The following POU1F1 variants were observed in gnomAD, a reference collection of about 807,000 sequenced individuals.
POU1F1 encodes POU class 1 homeobox 1.
A neutral mutation model predicts 32.3 loss-of-function variants in POU1F1; 23 were observed. The ratio of observed to expected loss-of-function variants is 0.71; its 90% CI spans 0.51 to 1.01. The LOEUF is 1.01. Among genes scored for constraint, POU1F1 ranks in the 50% least tolerant of loss-of-function variants. The pLI, the probability that POU1F1 is intolerant of heterozygous loss-of-function variation, is 0.00. For synonymous variants in POU1F1, 120 were observed against 115.6 expected (o/e 1.04, Z -0.25); for missense variants, 323 against 341.6 (o/e 0.95, Z 0.43).
intron 2 of POU1F1, among the ~76,000 whole-genome samples, chr3:87,268,294 A>C (rs1706662828): frequency 6.6e-6 from 1 of 151,702 alleles, no homozygotes; most frequent in South Asian, 2.1e-4. Flanking sequence ...TTATTTAGAG[A>C]CAGGGTTTCA....
At chr3:87,273,127 A>G (rs1351805251) in intron 2 of POU1F1, among the ~76,000 whole-genome samples, 3 of 152,174 alleles carry the variant, frequency 2.0e-5, no homozygotes, top group Non-Finnish European at 4.4e-5. Context: ...CTCAAGAAGC[A>G]CAGCAGTTCA....
intron 2 of POU1F1, among the ~76,000 whole-genome samples, chr3:87,268,084 C>CCTTTTT (rs747971339): frequency 8.6e-6 from 1 of 116,468 alleles, no homozygotes; most frequent in Non-Finnish European, 1.7e-5. Flanking sequence ...TTCCCTTTCC[C>CCTTTTT]TTTTTTTTTT....
chr3:87,260,867 TTTTTTTTTA>T (rs1483731700), intron 5 of POU1F1, among the ~76,000 whole-genome samples: 28 of 7,612 alleles, frequency 3.7e-3, no homozygotes, highest in African/African-American at 0.013. Flanking sequence ...TTATTATTAT[TTTTTTTTTA>T]TTTATTTATT....
intron 5 of POU1F1, among the ~76,000 whole-genome samples, chr3:87,261,039 T>A (rs1706504595): frequency 6.6e-6 from 1 of 151,888 alleles, no homozygotes; most frequent in South Asian, 2.1e-4. Flanking sequence ...GTCTCCTGAG[T>A]AGCTGGGATT....
At position 87,268,084 on chromosome 3, in the gene POU1F1, CTTT is replaced by C. The variant is rs11387958; in HGVS notation, c.215-3575_215-3573del. On this transcript the variant is annotated intron_variant, in intron 2 of 5. Coordinates refer to ENST00000350375, the MANE Select transcript of POU1F1 (RefSeq NM_000306.4). Reference sequence around the variant, plus strand: ...ACATTTTTTATTTTTTTCCCTTTCCCTTTTTTTTTTTTTTTTTTTTTGACACAG... The same window carrying C: ...ACATTTTTTATTTTTTTCCCTTTCCCTTTTTTTTTTTTTTTTTTGACACAG... Among the ~76,000 whole-genome samples, 200 of 116,420 alleles carry C rather than the reference CTTT, an allele frequency of 1.7e-3. 2 individuals are homozygous for C. Among genetic ancestry groups the C allele is most frequent in the African/African-American group, 5.5e-3 (182 of 33,140 alleles). The allele number at this position is 116,420 out of a possible 152,430, so 76.4% of individuals were successfully genotyped here. A position where few individuals can be genotyped will look rare whatever the true frequency, so the allele number is the denominator to read the frequency against.
At chr3:87,271,745 G>A (rs1706729416) in intron 2 of POU1F1, among the ~76,000 whole-genome samples, 1 of 152,036 alleles carries the variant, frequency 6.6e-6, no homozygotes, top group East Asian at 1.9e-4. Flanking sequence ...AATTAAGCAT[G>A]TTGATCATAA....
chr3:87,276,216 G>C (rs908526632), intron 1 of POU1F1, 105 bp downstream of exon 1: 2 of 1,382,276 alleles, frequency 1.4e-6, no homozygotes, highest in African/African-American at 2.9e-5. Context: ...TAAATTGGAG[G>C]GGTAAAATGA....
At chr3:87,260,658 C>G (rs193028219) in intron 5 of POU1F1, among the ~76,000 whole-genome samples, 8 of 152,148 alleles carry the variant, frequency 5.3e-5, no homozygotes, top group African/African-American at 1.9e-4. Flanking sequence ...ACTATAGACA[C>G]CATGGATACT....
chr3:87,274,383 T>C (rs1206391491), intron 1 of POU1F1, among the ~76,000 whole-genome samples: 1 of 152,040 alleles, frequency 6.6e-6, no homozygotes, highest in Non-Finnish European at 1.5e-5. Flanking sequence ...ATATTCTGAA[T>C]ATATTGGTTA....
chr3:87,260,195 T>TA, intron 5 of POU1F1, 91 bp from the exon 6 acceptor site: 1 of 973,308 alleles, frequency 1.0e-6, no homozygotes, highest in Non-Finnish European at 1.6e-6. Context: ...ATTTCCTCAA[T>TA]ATTAACATGA....
At chr3:87,269,754 AG>A (rs1706692098) in intron 2 of POU1F1, among the ~76,000 whole-genome samples, 2 of 152,028 alleles carry the variant, frequency 1.3e-5, no homozygotes, top group African/African-American at 2.4e-5. Context: ...TTAAGTCCCA[AG>A]AGTTTGGGAC....
intron 1 of POU1F1, among the ~76,000 whole-genome samples, 199 bp downstream of exon 1, chr3:87,276,122 C>T (rs1706820960): frequency 6.6e-6 from 1 of 152,130 alleles, no homozygotes; most frequent in South Asian, 2.1e-4. Context: ...TTTTAAATTA[C>T]TACACTTACT....
intron 1 of POU1F1, among the ~76,000 whole-genome samples, chr3:87,273,889 C>G (rs1362388874): frequency 3.9e-5 from 6 of 152,160 alleles, no homozygotes; most frequent in African/African-American, 1.4e-4. Context: ...TGAATGAATA[C>G]AGAAATTCAC....
chr3:87,276,248 C>A (rs35797818), intron 1 of POU1F1, 73 bp downstream of exon 1: 1 of 1,523,594 alleles, frequency 6.6e-7, no homozygotes, highest in Non-Finnish European at 9.1e-7. Flanking sequence ...AGATTATTAA[C>A]TATCAAGATT....
chr3:87,260,161 C>A, intron 5 of POU1F1, 57 bp from the exon 6 acceptor site: 1 of 1,421,916 alleles, frequency 7.0e-7, no homozygotes, highest in Non-Finnish European at 9.8e-7. Flanking sequence ...AAGTTTTTGG[C>A]AGCTCAAAAT....
intron 2 of POU1F1, among the ~76,000 whole-genome samples, chr3:87,271,871 G>T (rs896467591): frequency 1.3e-5 from 2 of 152,220 alleles, no homozygotes; most frequent in South Asian, 4.1e-4. Context: ...AACCATAAAT[G>T]TTAGGATACT....
chr3:87,269,701 T>C (rs1706690410), intron 2 of POU1F1, among the ~76,000 whole-genome samples: 1 of 152,196 alleles, frequency 6.6e-6, no homozygotes, highest in African/African-American at 2.4e-5. Context: ...TTTCTTTTAA[T>C]ATCCACTTCT....
At position 87,276,393 on chromosome 3, in the gene POU1F1, G is replaced by A. The variant is rs1241645605; in HGVS notation, c.70C>T (p.Pro24Ser). The change falls in exon 1 of 6, where the codon CCT (proline) becomes TCT (serine). Residue 24 changes from proline (P) to serine (S), a missense_variant. Transcript: ENST00000350375. ...GCAGCACTGTGATGCATTATCAGAG[G>A]CAGAGTTGCAGAGGCGTCAGAATTC... ...PLNSDASATLPLIMHHSAAEC... is the reference protein window; with the variant it reads ...PLNSDASATLSLIMHHSAAEC... 6.2e-7 allele frequency: 1 copy of A among 1,613,978 alleles called. No individual in the cohort carries two copies. The highest frequency in any genetic ancestry group is 8.5e-7 in the Non-Finnish European group (1 of 1,179,908).
At chr3:87,268,222 G>A (rs1425931636) in intron 2 of POU1F1, among the ~76,000 whole-genome samples, 1 of 150,590 alleles carries the variant, frequency 6.6e-6, no homozygotes, top group Non-Finnish European at 1.5e-5. Flanking sequence ...GGGACTACAG[G>A]TGCCTGCCAC....
Sources: gnomAD v4.1 joint callset for allele counts (sites outside exome capture counted in the v4.1 genomes callset) on GRCh38, gnomAD v4.1.1 for gene constraint, MANE v1.5 for transcripts, NCBI Gene and HGNC (gene_info 2026-07-23, HGNC 2026-07-21) for gene names.